RPH3AL: variants seen among roughly 807,000 people sequenced by gnomAD.
RPH3AL encodes rab effector Noc2.
In RPH3AL, 38 loss-of-function variants were observed where a neutral mutation model predicts 43.1. The ratio of observed to expected loss-of-function variants is 0.88; its 90% CI spans 0.68 to 1.15. RPH3AL has a LOEUF of 1.15. Ranked by LOEUF, RPH3AL falls within the 50% of genes most tolerant of loss-of-function variation. RPH3AL has a pLI of 0.00. For synonymous variants in RPH3AL, 189 were observed against 176.3 expected (o/e 1.07, Z -0.57); for missense variants, 462 against 423.2 (o/e 1.09, Z -0.81).
At chr17:309,595 G>GC (rs1228315501) in intron 5 of RPH3AL, among the ~76,000 whole-genome samples, 1,086 of 27,856 alleles carry the variant, frequency 0.039, 287 homozygotes, top group East Asian at 0.24. Flanking sequence ...GCTCCTGCCA[G>GC]CCTCCTGCTG....
intron 6 of RPH3AL, among the ~76,000 whole-genome samples, chr17:253,573 C>T (rs887907170): frequency 6.6e-6 from 1 of 152,112 alleles, no homozygotes; most frequent in African/African-American, 2.4e-5. Flanking sequence ...GAAGTGCAAC[C>T]CATCTCCAGA....
At chr17:277,594 G>T (rs925376613) in intron 6 of RPH3AL, among the ~76,000 whole-genome samples, 7 of 152,170 alleles carry the variant, frequency 4.6e-5, no homozygotes, top group African/African-American at 1.2e-4. Context: ...TTAAAAGAGG[G>T]GGAGATCGGA....
intron 8 of RPH3AL, 81 bp downstream of exon 8, chr17:219,542 T>TTTTTTTTTTTTTGTTG: frequency 2.7e-6 from 1 of 374,904 alleles, no homozygotes; most frequent in Non-Finnish European, 5.1e-6. Flanking sequence ...TTTTTTTTTT[T>TTTTTTTTTTTTTGTTG]GAGATGGAGT....
chr17:334,598 A>G (rs182564225), intron 1 of RPH3AL, among the ~76,000 whole-genome samples: 2,153 of 121,684 alleles, frequency 0.018, 79 homozygotes, highest in African/African-American at 0.063. Flanking sequence ...AGGGACAGGG[A>G]CAAGGACAGG....
intron 2 of RPH3AL, chr17:332,773 C>T (rs917124672): frequency 6.4e-6 from 2 of 312,726 alleles, no homozygotes; most frequent in African/African-American, 4.3e-5. Flanking sequence ...GCTGGTGCCC[C>T]CAGGAGCCTC....
At chr17:256,155 A>G (rs201562629) in intron 6 of RPH3AL, among the ~76,000 whole-genome samples, 110 of 1,188 alleles carry the variant, frequency 0.093, 21 homozygotes, top group African/African-American at 0.2. Flanking sequence ...CCCTAGGAAT[A>G]TGACTACCCT....
At chr17:348,408 C>T (rs1026579704) in intron 1 of RPH3AL, among the ~76,000 whole-genome samples, 1 of 152,004 alleles carries the variant, frequency 6.6e-6, no homozygotes, top group African/African-American at 2.4e-5. Context: ...AGTATTACCA[C>T]ATTTATTGTA....
intron 5 of RPH3AL, among the ~76,000 whole-genome samples, chr17:284,536 T>C (rs1228680656): frequency 1.3e-5 from 2 of 152,086 alleles, no homozygotes; most frequent in African/African-American, 4.8e-5. Flanking sequence ...TGATGCTGAC[T>C]CTAGGAGCAA....
chr17:328,018 C>T lies in RPH3AL; in HGVS notation c.-36-439G>A, dbSNP rs948168118. Among the ~76,000 whole-genome samples the T allele has an allele frequency of 1.7e-4, 26 of 152,102 alleles. No individual in the cohort carries two copies. Among genetic ancestry groups the T allele is most frequent in the African/African-American group, 6.3e-4 (26 of 41,394 alleles). On this transcript the variant is annotated intron_variant, in intron 2 of 9. Transcript: ENST00000331302. This position sits in a 1 kb window ranked among gnomAD's most constrained non-coding sequence, Gnocchi z 4.2. ...GCCAGACAGGCTGGGAAACCCTACT[C>T]CTTTCCCAAACCTGGGGACCTGGCT... is the stretch of plus-strand genomic sequence containing the variant.
chr17:341,654 T>A (rs972346519), intron 1 of RPH3AL, among the ~76,000 whole-genome samples: 1 of 152,202 alleles, frequency 6.6e-6, no homozygotes, highest in Admixed American at 6.5e-5. Context: ...ATCTAAGATT[T>A]GGCAATGATT....
chr17:334,372 G>A (rs370776974), intron 1 of RPH3AL, among the ~76,000 whole-genome samples: 71 of 152,348 alleles, frequency 4.7e-4, no homozygotes, highest in African/African-American at 1.5e-3. Flanking sequence ...AGAGAAGCCC[G>A]GCAAACACCC....
rs2040732063 is a variant in RPH3AL, at chr17:213,980, C to T, written c.877-57G>A. 2.2e-6 allele frequency: 3 copies of T among 1,333,674 alleles called. No homozygotes were observed. In the African/African-American group the frequency reaches 4.4e-5, roughly 19 times the overall value. The allele number at this position is 1,333,674 out of a possible 1,614,324, so 82.6% of individuals were successfully genotyped here. A position where few individuals can be genotyped will look rare whatever the true frequency, so the allele number is the denominator to read the frequency against. ...GAGCAGCGGTGGAGTCCCTCCCTCC[C>T]CGGTGACAGCTCGGCCTTTGGGAAT... On this transcript the variant is annotated intron_variant, in intron 9 of 9. Coordinates refer to ENST00000331302, the MANE Select transcript of RPH3AL (RefSeq NM_006987.4).
At chr17:270,827 G>GT (rs1215221637) in intron 6 of RPH3AL, among the ~76,000 whole-genome samples, 2 of 152,198 alleles carry the variant, frequency 1.3e-5, no homozygotes, top group Non-Finnish European at 2.9e-5. Context: ...TGCTTTTGGT[G>GT]TTTTAGACAT....
chr17:272,753 T>C (rs2042502980), intron 6 of RPH3AL, among the ~76,000 whole-genome samples: 1 of 125,020 alleles, frequency 8.0e-6, no homozygotes, highest in Non-Finnish European at 1.7e-5. Flanking sequence ...ACTTAAAGTA[T>C]TATTTAAGTC....
At chr17:238,977 ACTGT>A (rs1414450612) in intron 7 of RPH3AL, among the ~76,000 whole-genome samples, 1 of 152,160 alleles carries the variant, frequency 6.6e-6, no homozygotes, top group East Asian at 1.9e-4. Flanking sequence ...GAGAGCACAC[ACTGT>A]CTGCAGGGAT....
intron 5 of RPH3AL, among the ~76,000 whole-genome samples, chr17:317,248 G>T (rs1260261462): frequency 1.4e-5 from 2 of 140,334 alleles, no homozygotes; most frequent in African/African-American, 5.5e-5. Context: ...CACCTCCATT[G>T]ACCTGCAGTC....
intron 6 of RPH3AL, among the ~76,000 whole-genome samples, chr17:262,361 A>G (rs781970930): frequency 1.4e-4 from 22 of 152,050 alleles, no homozygotes; most frequent in South Asian, 6.2e-4. Flanking sequence ...GATTACAGGC[A>G]CCCGCCACCA....
At chr17:237,132 G>A (rs1333769793) in intron 7 of RPH3AL, among the ~76,000 whole-genome samples, 1 of 152,224 alleles carries the variant, frequency 6.6e-6, no homozygotes, top group African/African-American at 2.4e-5. Context: ...ACTGGGGAAG[G>A]GCGGCCCCGG....
chr17:279,873 G>C (rs2042737152), intron 6 of RPH3AL, among the ~76,000 whole-genome samples: 1 of 152,196 alleles, frequency 6.6e-6, no homozygotes, highest in South Asian at 2.1e-4. Context: ...GAATATCTAT[G>C]CTGGAGGTTT....
Sources: gnomAD v4.1 joint callset for allele counts (sites outside exome capture counted in the v4.1 genomes callset) on GRCh38, gnomAD v4.1.1 for gene constraint, Gnocchi (gnomAD v3.1) non-coding constraint, MANE v1.5 for transcripts, NCBI Gene and HGNC (gene_info 2026-07-23, HGNC 2026-07-21) for gene names.